FBXO32: variants seen among roughly 807,000 people sequenced by gnomAD.
FBXO32 encodes the protein F-box only protein 32.
In FBXO32, 15 loss-of-function variants were observed where a neutral mutation model predicts 48.3. The observed-to-expected ratio is 0.31, with a 90% CI of 0.21 to 0.48. FBXO32 has a LOEUF of 0.48. Among genes scored for constraint, FBXO32 ranks in the 20% least tolerant of loss-of-function variants. The pLI, the probability that FBXO32 is intolerant of heterozygous loss-of-function variation, is 0.99. For missense variants in FBXO32, 309 were observed against 432.7 expected, an observed-to-expected ratio of 0.71 and a Z score of 2.54; for synonymous variants, 154 against 165.9, an observed-to-expected ratio of 0.93 and a Z score of 0.55.
chr8:123,507,613 A>G (rs1816656500), intron 6 of FBXO32, among the ~76,000 whole-genome samples: 1 of 152,172 alleles, frequency 6.6e-6, no homozygotes, highest in Non-Finnish European at 1.5e-5. Context: ...TACCTTGGCA[A>G]TTAATGGCGA....
At position 123,498,813 on chromosome 8, in the gene FBXO32, T is replaced by G. The variant is rs938169802; in HGVS notation, c.*4560A>C. 6.6e-6 allele frequency: 1 copy of G among 152,190 alleles called. No homozygotes were observed. Among genetic ancestry groups the G allele is most frequent in the African/African-American group, 2.4e-5 (1 of 41,440 alleles). 9.4% of individuals were successfully genotyped at this position (152,190 alleles called of 1,614,324 possible). Reference sequence around the variant, plus strand: ...ATAAAATTGTCAAAATATGCTGCTTTCTTTATAGCAAGCAGGTTGTACTCA... The same window carrying G: ...ATAAAATTGTCAAAATATGCTGCTTGCTTTATAGCAAGCAGGTTGTACTCA... On this transcript the variant is annotated 3_prime_UTR_variant, in exon 9 of 9. Coordinates refer to ENST00000517956, the MANE Select transcript of FBXO32 (RefSeq NM_058229.4).
At chr8:123,527,292 T>C (rs1175586083) in intron 4 of FBXO32, 1 of 152,208 alleles carries the variant, frequency 6.6e-6, no homozygotes. Context: ...GAGTGTAAGT[T>C]TGAATTCAAG....
chr8:123,521,838 G>T (rs1816962699), intron 4 of FBXO32, among the ~76,000 whole-genome samples: 1 of 152,046 alleles, frequency 6.6e-6, no homozygotes, highest in African/African-American at 2.4e-5. Context: ...ACCCAAGTTG[G>T]GTGCCCATCT....
intron 3 of FBXO32, 31 bp from the exon 4 acceptor site, chr8:123,532,021 C>T (rs1817220532): frequency 6.2e-7 from 1 of 1,613,104 alleles, no homozygotes; most frequent in Non-Finnish European, 8.5e-7. Flanking sequence ...ACAGAAGTTA[C>T]TCCTGCCATG....
chr8:123,530,037 C>A lies in FBXO32; in HGVS notation c.372+1861G>T, dbSNP rs370205574. Among the ~76,000 whole-genome samples the A allele has an allele frequency of 1.4e-4, 22 of 152,286 alleles. No homozygotes were observed. In the South Asian group the frequency reaches 4.6e-3, roughly 32 times the overall value. On this transcript the variant is annotated intron_variant, in intron 4 of 8. Coordinates refer to ENST00000517956, the MANE Select transcript of FBXO32 (RefSeq NM_058229.4). ...CAACCAGCCTAGACTAGTCTGTGGG[C>A]CCTAGGAGGACTAGGTGACCTCCGT...
Position 123,504,612 on chromosome 8 carries a change from A to G in FBXO32, c.970T>C (p.Ser324Pro), listed in dbSNP as rs1255327330. The G allele has an allele frequency of 1.9e-6, 3 of 1,612,454 alleles. No homozygotes were observed. Among genetic ancestry groups the G allele is most frequent in the Non-Finnish European group, 2.5e-6 (3 of 1,179,426 alleles). ...LQLCKHCHIL[S>P]WKGTDHPCTA... Reference sequence around the variant, plus strand: ...ACCTCTGAGACACATACCTTCCAGGAAAGGATGTGACAGTGTTTGCAGAGC... The same window carrying G: ...ACCTCTGAGACACATACCTTCCAGGGAAGGATGTGACAGTGTTTGCAGAGC... Residue 324 changes from serine to proline, a missense_variant, in exon 8 of 9, where the codon TCC becomes CCC. Ser to Pro is a moderately conservative substitution (Grantham distance 74, BLOSUM62 -1). Transcript: ENST00000517956.
intron 1 of FBXO32, among the ~76,000 whole-genome samples, chr8:123,537,934 G>C (rs1458504870): frequency 6.6e-6 from 1 of 152,094 alleles, no homozygotes; most frequent in East Asian, 1.9e-4. Context: ...GGGCGGTGAG[G>C]GGGTGGTTGC....
intron 1 of FBXO32, among the ~76,000 whole-genome samples, chr8:123,535,044 A>G (rs1817283834): frequency 6.6e-6 from 1 of 152,296 alleles, no homozygotes. Context: ...GGGAGCTTCT[A>G]CTTCTTTTGA....
At chr8:123,505,014 A>T (rs997123431) in intron 7 of FBXO32, among the ~76,000 whole-genome samples, 3 of 152,230 alleles carry the variant, frequency 2.0e-5, no homozygotes, top group African/African-American at 7.2e-5. Flanking sequence ...ACCTTTACTC[A>T]ACTGTGGCTG....
At chr8:123,530,651 T>C (rs755370273) in intron 4 of FBXO32, among the ~76,000 whole-genome samples, 36 of 152,356 alleles carry the variant, frequency 2.4e-4, no homozygotes, top group Non-Finnish European at 4.0e-4. Flanking sequence ...AGTCTCGCAC[T>C]GTCGCCCAGG....
At chr8:123,531,805 G>GGGTCC in intron 4 of FBXO32, 93 bp downstream of exon 4, 1 of 1,506,348 alleles carries the variant, frequency 6.6e-7, no homozygotes, top group African/African-American at 1.4e-5. Flanking sequence ...GTCCTAAAAA[G>GGGTCC]TAATTTTTTG....
intron 6 of FBXO32, among the ~76,000 whole-genome samples, chr8:123,508,176 G>A (rs527740821): frequency 2.6e-5 from 4 of 152,272 alleles, no homozygotes; most frequent in African/African-American, 9.6e-5. Flanking sequence ...CTTAGCTCAG[G>A]GGAAAATATC....
intron 3 of FBXO32, among the ~76,000 whole-genome samples, 172 bp downstream of exon 3, chr8:123,533,019 T>A (rs1201047382): frequency 1.3e-5 from 2 of 152,226 alleles, no homozygotes; most frequent in Non-Finnish European, 2.9e-5. Context: ...CTTCTTTCTC[T>A]CTCTGTTCTA....
At chr8:123,528,594 CCAG>C (rs1817137297) in intron 4 of FBXO32, among the ~76,000 whole-genome samples, 1 of 152,076 alleles carries the variant, frequency 6.6e-6, no homozygotes, top group Non-Finnish European at 1.5e-5. Flanking sequence ...TAGCTTGTAG[CCAG>C]TGAAAATGAT....
At chr8:123,517,708 C>G (rs568901901) in intron 4 of FBXO32, among the ~76,000 whole-genome samples, 1 of 152,294 alleles carries the variant, frequency 6.6e-6, no homozygotes, top group South Asian at 2.1e-4. Flanking sequence ...GAGTGTAAGT[C>G]ATTTAATCCC....
At chr8:123,504,769 G>A (rs1271368420) in intron 7 of FBXO32, 22 bp from the exon 8 acceptor site, 1 of 1,608,358 alleles carries the variant, frequency 6.2e-7, no homozygotes, top group Admixed American at 1.7e-5. Context: ...AATGAATAAA[G>A]GAAATGACAG....
At position 123,521,457 on chromosome 8, in the gene FBXO32, G is replaced by C. The variant is rs114026201; in HGVS notation, c.373-7124C>G. Among the ~76,000 whole-genome samples, 1,305 of 152,332 alleles carry C rather than the reference G, an allele frequency of 8.6e-3. 22 individuals carry two copies. The highest frequency in any genetic ancestry group is 0.029 in the African/African-American group (1,224 of 41,570). On this transcript the variant is annotated intron_variant, in intron 4 of 8. Coordinates refer to ENST00000517956, the MANE Select transcript of FBXO32 (RefSeq NM_058229.4). ...CTAGTTCCAGACTGATGCCCCAGGA[G>C]TGGCATGGGCCTAGGAGTAAATTAT...
At chr8:123,522,950 A>G (rs1470070010) in intron 4 of FBXO32, among the ~76,000 whole-genome samples, 1 of 152,192 alleles carries the variant, frequency 6.6e-6, no homozygotes, top group African/African-American at 2.4e-5. Flanking sequence ...ACGATTCTCA[A>G]GTGGCTATGG....
chr8:123,507,483 G>A (rs1050134412), intron 6 of FBXO32, among the ~76,000 whole-genome samples: 3 of 146,288 alleles, frequency 2.1e-5, no homozygotes, highest in South Asian at 2.3e-4. Context: ...GTGTGTGTAC[G>A]TGCACATTGG....
Sources: allele counts gnomAD v4.1 joint callset (sites outside exome capture counted in the v4.1 genomes callset), GRCh38; gene constraint gnomAD v4.1.1; transcripts MANE v1.5; gene names NCBI Gene and HGNC (gene_info 2026-07-23, HGNC 2026-07-21).